FEZ1: variants seen among roughly 807,000 people sequenced by gnomAD.
FEZ1 encodes fasciculation and elongation protein zeta 1.
In FEZ1, 20 loss-of-function variants were observed where a neutral mutation model predicts 49.3. That is an observed-to-expected ratio of 0.41 (90% confidence interval 0.29 to 0.59). The LOEUF (loss-of-function observed/expected upper bound fraction) is 0.59. Among genes scored for constraint, FEZ1 ranks in the 20% least tolerant of loss-of-function variants. The pLI, the probability that FEZ1 is intolerant of heterozygous loss-of-function variation, is 0.36. For missense variants in FEZ1, 413 were observed against 476.0 expected, an observed-to-expected ratio of 0.87 and a Z score of 1.23; for synonymous variants, 170 against 180.9, an observed-to-expected ratio of 0.94 and a Z score of 0.48.
chr11:125,493,483 AAAGAAGG>A (rs1957419009), intron 1 of FEZ1, among the ~76,000 whole-genome samples: 1 of 82,560 alleles, frequency 1.2e-5, no homozygotes. Context: ...GGAAAGAAGG[AAAGAAGG>A]AAAGAAAGAA....
In FEZ1 at chr11:125,489,959, G is replaced by A; in HGVS notation, c.-45-137C>T. On this transcript the variant is annotated intron_variant, in intron 1 of 9. Transcript: ENST00000278919. This position sits in a 1 kb window ranked among gnomAD's most constrained non-coding sequence, Gnocchi z 4.2. ...GGTTAAGTACGAAGCTCCTGGACAA[G>A]ATCGTCTAGGTTTGCATTCTGTTCT... 1 of 713,756 alleles carries A rather than the reference G, an allele frequency of 1.4e-6. No individual in the cohort carries two copies. Among genetic ancestry groups the A allele is most frequent in the Non-Finnish European group, 2.1e-6 (1 of 478,364 alleles). 44.2% of individuals were successfully genotyped at this position (713,756 alleles called of 1,614,324 possible). A position where few individuals can be genotyped will look rare whatever the true frequency, so the allele number is the denominator to read the frequency against.
intron 7 of FEZ1, chr11:125,453,332 C>T (rs963642701): frequency 6.6e-6 from 1 of 152,136 alleles, no homozygotes; most frequent in African/African-American, 2.4e-5. Flanking sequence ...AATCTCCAGG[C>T]CATAGTTCTC....
chr11:125,452,639 C>A, intron 7 of FEZ1: 1 of 484,526 alleles, frequency 2.1e-6, no homozygotes, highest in South Asian at 3.9e-5. Flanking sequence ...TCTTCCTACA[C>A]TACAAACTTC....
intron 9 of FEZ1, among the ~76,000 whole-genome samples, chr11:125,446,409 C>T (rs982732924): frequency 2.6e-5 from 4 of 152,226 alleles, no homozygotes; most frequent in African/African-American, 9.6e-5. Flanking sequence ...ATAGAACGTA[C>T]CTGCGCCTAC....
chr11:125,450,851 A>T (rs1341402207), intron 8 of FEZ1, among the ~76,000 whole-genome samples: 1 of 152,258 alleles, frequency 6.6e-6, no homozygotes, highest in Non-Finnish European at 1.5e-5. Flanking sequence ...CCAAAATGGT[A>T]ACCATAGTGG....
chr11:125,468,812 G>A (rs373689318), intron 3 of FEZ1, among the ~76,000 whole-genome samples: 7 of 152,172 alleles, frequency 4.6e-5, no homozygotes, highest in Admixed American at 1.3e-4. Context: ...GCAGCATGGC[G>A]GGGCTATGTA....
At chr11:125,484,234 A>G (rs1171923584) in intron 2 of FEZ1, among the ~76,000 whole-genome samples, 1 of 152,244 alleles carries the variant, frequency 6.6e-6, no homozygotes, top group Non-Finnish European at 1.5e-5. Context: ...CGAAACATGG[A>G]TTAATTCATT....
chr11:125,448,867 T>A (rs1956921061), intron 8 of FEZ1, among the ~76,000 whole-genome samples: 1 of 151,572 alleles, frequency 6.6e-6, no homozygotes, highest in Non-Finnish European at 1.5e-5. Flanking sequence ...CAGAACCTCA[T>A]TTCTAATTAA....
intron 3 of FEZ1, among the ~76,000 whole-genome samples, chr11:125,467,791 G>A (rs1957145769): frequency 6.6e-6 from 1 of 152,204 alleles, no homozygotes; most frequent in Non-Finnish European, 1.5e-5. Flanking sequence ...AGTGAGCCAT[G>A]ACTGTTGCCA....
In FEZ1 at chr11:125,445,688, G is replaced by A. The variant is rs1956892107; in HGVS notation, c.*407C>T. ...GCCGGCGTGCAAAGAATGCTATACA[G>A]CCCGTCTCTGGAGTCTGGAGCAGAG... On this transcript the variant is annotated 3_prime_UTR_variant, in exon 10 of 10. Coordinates refer to ENST00000278919, the MANE Select transcript of FEZ1 (RefSeq NM_005103.5). The surrounding 1 kb of genome is among the most constrained non-coding windows in gnomAD (Gnocchi z 4.4). The A allele has an allele frequency of 8.9e-6, 3 of 335,474 alleles. No homozygotes were observed. The highest frequency in any genetic ancestry group is 1.8e-5 in the Non-Finnish European group (3 of 170,276). The allele number at this position is 335,474 out of a possible 1,614,324, so 20.8% of individuals were successfully genotyped here.
At chr11:125,480,804 C>T (rs1055065985) in intron 3 of FEZ1, among the ~76,000 whole-genome samples, 6 of 152,112 alleles carry the variant, frequency 3.9e-5, no homozygotes, top group African/African-American at 1.4e-4. Context: ...CTTTGGAAGG[C>T]CAAGGCGGGC....
chr11:125,450,514 A>G (rs573975578), intron 8 of FEZ1, among the ~76,000 whole-genome samples: 1 of 152,360 alleles, frequency 6.6e-6, no homozygotes, highest in African/African-American at 2.4e-5. Flanking sequence ...AGGATTGGCT[A>G]GTCGCAGGAG....
Position 125,495,621 on chromosome 11 carries a change from T to A in FEZ1, c.-46+500A>T. The A allele has an allele frequency of 2.2e-6, 1 of 462,320 alleles. No individual in the cohort carries two copies. Among genetic ancestry groups the A allele is most frequent in the Non-Finnish European group, 4.5e-6 (1 of 223,590 alleles). 28.6% of individuals were successfully genotyped at this position (462,320 alleles called of 1,614,324 possible). ...GGGCACGAGCGGGGTCGGGGGTAAG[T>A]TTTTAGGGACAAAGATGATCTTGGG... On this transcript the variant is annotated intron_variant, in intron 1 of 9. Transcript: ENST00000278919. The surrounding 1 kb of genome is among the most constrained non-coding windows in gnomAD (Gnocchi z 4.2).
intron 6 of FEZ1, chr11:125,455,590 AC>A (rs1222780851): frequency 7.1e-6 from 4 of 565,718 alleles, no homozygotes; most frequent in African/African-American, 3.7e-5. Context: ...TACAGAGAAC[AC>A]AAGCCAAATT....
At chr11:125,478,158 C>T (rs1172771319) in intron 3 of FEZ1, among the ~76,000 whole-genome samples, 2 of 152,160 alleles carry the variant, frequency 1.3e-5, no homozygotes, top group Non-Finnish European at 2.9e-5. Context: ...AAATGGACCA[C>T]TTGGCCAGGT....
chr11:125,452,538 G>A (rs763004094), intron 7 of FEZ1, 129 bp from the exon 8 acceptor site: 19 of 629,632 alleles, frequency 3.0e-5, no homozygotes, highest in Middle Eastern at 2.6e-4. Context: ...TCACTGGTAC[G>A]TCACTGTTTC....
rs750570831 is a variant in FEZ1, at chr11:125,443,750, C to T, written c.*2345G>A. Among the ~76,000 whole-genome samples the T allele has an allele frequency of 4.6e-5, 7 of 152,172 alleles. No individual in the cohort carries two copies. The highest frequency in any genetic ancestry group is 6.8e-3 in the Middle Eastern group (2 of 294). ...ATATTCCCCTTAAACTCCTGATAGA[C>T]GGACAAACAAGAGAGAAAGGAGGAG... On this transcript the variant is annotated 3_prime_UTR_variant, in exon 10 of 10. Coordinates refer to ENST00000278919, the MANE Select transcript of FEZ1 (RefSeq NM_005103.5).
intron 3 of FEZ1, among the ~76,000 whole-genome samples, chr11:125,473,618 A>T (rs1957201925): frequency 1.3e-5 from 2 of 152,208 alleles, no homozygotes; most frequent in Admixed American, 1.3e-4. Context: ...CAGGAGTTCA[A>T]GACCAGTCTG....
At chr11:125,480,364 C>T (rs617570) in intron 3 of FEZ1, among the ~76,000 whole-genome samples, 28,208 of 151,942 alleles carry the variant, frequency 0.19, 2,766 homozygotes, top group African/African-American at 0.22. Flanking sequence ...CCAGCCTAGG[C>T]GACACAGTGA....
Sources: gnomAD v4.1 joint callset for allele counts (sites outside exome capture counted in the v4.1 genomes callset) on GRCh38, gnomAD v4.1.1 for gene constraint, Gnocchi (gnomAD v3.1) non-coding constraint, MANE v1.5 for transcripts, NCBI Gene and HGNC (gene_info 2026-07-23, HGNC 2026-07-21) for gene names.